Variants in LOC128706665 observed in about 807,000 individuals in gnomAD.
the LOC128706665 span, among the ~76,000 whole-genome samples, chr20:10,428,915 A>AGTCCT: frequency 6.6e-6 from 1 of 152,302 alleles, no homozygotes; most frequent in Non-Finnish European, 1.5e-5. Flanking sequence ...CCTGTGTTCC[A>AGTCCT]GTCCCACTTT....
At chr20:10,428,344 G>C in the LOC128706665 span, among the ~76,000 whole-genome samples, 2 of 152,178 alleles carry the variant, frequency 1.3e-5, no homozygotes, top group Non-Finnish European at 2.9e-5. Context: ...TGGGCCTTTA[G>C]TGCTACAGCA....
chr20:10,421,416 C>CA, the LOC128706665 span, among the ~76,000 whole-genome samples: 1,004 of 86,008 alleles, frequency 0.012, 6 homozygotes, highest in South Asian at 0.015. Context: ...GACTCCATCA[C>CA]AAAAAAAAAA....
chr20:10,416,854 C>T, the LOC128706665 span, among the ~76,000 whole-genome samples: 4 of 152,316 alleles, frequency 2.6e-5, no homozygotes, highest in South Asian at 2.1e-4. Context: ...TATTGGAAAG[C>T]AGCCATGCTC....
chr20:10,421,925 A>T, the LOC128706665 span, among the ~76,000 whole-genome samples: 1 of 152,098 alleles, frequency 6.6e-6, no homozygotes, highest in Admixed American at 6.6e-5. Context: ...TCCACCATCT[A>T]TGAGACATGC....
chr20:10,423,141 T>C, the LOC128706665 span, among the ~76,000 whole-genome samples: 6 of 152,084 alleles, frequency 3.9e-5, no homozygotes, highest in African/African-American at 1.4e-4. Flanking sequence ...CCCTAGCTTA[T>C]AAAAAGAGAT....
At chr20:10,433,632 G>A in the LOC128706665 span, among the ~76,000 whole-genome samples, 1 of 152,134 alleles carries the variant, frequency 6.6e-6, no homozygotes, top group East Asian at 1.9e-4. Flanking sequence ...CAAGCCCCGC[G>A]GCTGCTTTCA....
the LOC128706665 span, chr20:10,431,609 C>T: frequency 1.3e-5 from 2 of 152,162 alleles, no homozygotes; most frequent in Non-Finnish European, 2.9e-5. Flanking sequence ...ACCAAGTTGA[C>T]TCATTTTTCA....
chr20:10,427,045 C>G, the LOC128706665 span, among the ~76,000 whole-genome samples: 18 of 127,082 alleles, frequency 1.4e-4, no homozygotes, highest in African/African-American at 3.4e-4. Context: ...CACACACACA[C>G]ACACACACAC....
the LOC128706665 span, among the ~76,000 whole-genome samples, chr20:10,432,628 A>C: frequency 6.6e-6 from 1 of 152,060 alleles, no homozygotes; most frequent in Admixed American, 6.5e-5. Flanking sequence ...CACCATCTCT[A>C]CTAAAAAATA....
the LOC128706665 span, among the ~76,000 whole-genome samples, chr20:10,427,687 A>G: frequency 6.6e-6 from 1 of 152,228 alleles, no homozygotes; most frequent in Non-Finnish European, 1.5e-5. Flanking sequence ...ATGAACTGAC[A>G]TGGTAAACAG....
chr20:10,424,876 A>T, the LOC128706665 span, among the ~76,000 whole-genome samples: 1 of 152,054 alleles, frequency 6.6e-6, no homozygotes, highest in South Asian at 2.1e-4. Context: ...ACATGGTGAA[A>T]CCCTGTCTCT....
the LOC128706665 span, among the ~76,000 whole-genome samples, chr20:10,427,035 C>CACACAGACACACAG: frequency 1.8e-5 from 1 of 56,424 alleles, no homozygotes; most frequent in Non-Finnish European, 6.6e-5. Context: ...CACTGACACA[C>CACACAGACACACAG]ACACACACAC....
chr20:10,420,667 T>C, the LOC128706665 span: 1 of 151,834 alleles, frequency 6.6e-6, no homozygotes, highest in Non-Finnish European at 1.5e-5. Flanking sequence ...CCACCCCAAA[T>C]GTATGAGCCC....
the LOC128706665 span, among the ~76,000 whole-genome samples, chr20:10,418,843 T>C: frequency 6.6e-6 from 1 of 152,136 alleles, no homozygotes; most frequent in Non-Finnish European, 1.5e-5. Flanking sequence ...AAAGACTATA[T>C]ATATAAAAAT....
the LOC128706665 span, among the ~76,000 whole-genome samples, chr20:10,422,771 G>C: frequency 6.6e-6 from 1 of 151,194 alleles, no homozygotes; most frequent in Admixed American, 6.6e-5. Context: ...TAGTGCAGTG[G>C]TGCGATCTCA....
At chr20:10,420,642 G>A in the LOC128706665 span, 1 of 152,144 alleles carries the variant, frequency 6.6e-6, no homozygotes, top group South Asian at 2.1e-4. Context: ...AAACAGGGCT[G>A]CTTTTGATTC....
At chr20:10,422,458 A>G in the LOC128706665 span, among the ~76,000 whole-genome samples, 21,732 of 152,030 alleles carry the variant, frequency 0.14, 1,744 homozygotes, top group East Asian at 0.24. Flanking sequence ...TTGGGAATTT[A>G]AGGGTACAAT....
At chr20:10,429,390 G>C in the LOC128706665 span, among the ~76,000 whole-genome samples, 1 of 152,054 alleles carries the variant, frequency 6.6e-6, no homozygotes, top group Non-Finnish European at 1.5e-5. Context: ...TTTCCTGGGC[G>C]GTCTCATTCA....
At chr20:10,413,816 A>G in the LOC128706665 span, 3 of 522,100 alleles carry the variant, frequency 5.7e-6, no homozygotes, top group African/African-American at 5.7e-5. Context: ...AGTATGTTCC[A>G]AGATGGACAC....
Sources: allele counts gnomAD v4.1 joint callset (sites outside exome capture counted in the v4.1 genomes callset), GRCh38; gene constraint gnomAD v4.1.1; transcripts MANE v1.5.